CRYZ: variants seen among roughly 807,000 people sequenced by gnomAD.
CRYZ encodes zeta-crystallin.
CRYZ carries 35 observed loss-of-function variants against 34.1 expected under a neutral mutation model. The ratio of observed to expected loss-of-function variants is 1.03; its 90% CI spans 0.78 to 1.36. The LOEUF is 1.36. CRYZ is among the 40% of genes most tolerant of loss of function. The probability of loss-of-function intolerance (pLI) is 0.00; values close to 1 mark genes in which losing one functional copy is unlikely to be tolerated. For missense variants in CRYZ, 403 were observed against 391.8 expected, an observed-to-expected ratio of 1.03 and a Z score of -0.24; for synonymous variants, 137 against 136.5, an observed-to-expected ratio of 1.00 and a Z score of -0.03.
At position 74,710,391 on chromosome 1, in the gene CRYZ, G is replaced by A. The variant is rs569835914; in HGVS notation, c.481-144C>T. Reference sequence around the variant, plus strand: ...TGTAAATGAAGAAATAAGAAAAACAGCTAACTTTAATTGAGCATTTAAAAT... The same window carrying A: ...TGTAAATGAAGAAATAAGAAAAACAACTAACTTTAATTGAGCATTTAAAAT... On this transcript the variant is annotated intron_variant, in intron 5 of 8. Coordinates refer to ENST00000340866, the MANE Select transcript of CRYZ (RefSeq NM_001889.4). 6.2e-6 allele frequency: 4 copies of A among 648,168 alleles called. No individual in the cohort carries two copies. The East Asian group carries it at 1.1e-4, about 18-fold the overall frequency. The allele number at this position is 648,168 out of a possible 1,614,324, so 40.2% of individuals were successfully genotyped here.
intron 4 of CRYZ, among the ~76,000 whole-genome samples, chr1:74,715,229 C>G (rs1647055880): frequency 6.6e-6 from 1 of 152,152 alleles, no homozygotes. Context: ...CCATGTCATC[C>G]CCCTGAAATG....
Position 74,707,106 on chromosome 1 carries a change from C to T in CRYZ, c.729G>A (p.Val243=), listed in dbSNP as rs143668308. The change falls in exon 7 of 9, where the codon GTG becomes GTA. Residue 243 remains valine, a synonymous_variant. Coordinates refer to ENST00000340866, the MANE Select transcript of CRYZ (RefSeq NM_001889.4). ...DLSLLSHGGR[V]IVVGSRGTIE... is the part of the protein sequence containing the mutation. ...AAAAAAGAAAAGGAATACTTACTAT[C>T]ACTCGTCCTCCATGTGACAGAAGAC... The T allele has an allele frequency of 2.6e-6, 4 of 1,566,256 alleles. No individual in the cohort carries two copies. The highest frequency in any genetic ancestry group is 1.9e-5 in the Admixed American group (1 of 52,342).
chr1:74,714,616 G>A lies in CRYZ; in HGVS notation c.443C>T (p.Ala148Val), dbSNP rs759903237. 3.1e-6 allele frequency: 5 copies of A among 1,613,456 alleles called. No individual in the cohort carries two copies. In the East Asian group the frequency reaches 8.9e-5, roughly 29 times the overall value. ...RALIHSACVKAGESVLVHGAS... is the reference protein window; with the variant it reads ...RALIHSACVKVGESVLVHGAS... ...CCCATGAACCAGAACACTCTCTCCA[G>A]CTTTCACACAGGCACTGCAAAGGAA... The change falls in exon 5 of 9, where the codon GCT (alanine) becomes GTT (valine). Residue 148 changes from alanine (A) to valine (V), a missense_variant. Transcript: ENST00000340866.
At chr1:74,732,634 GACAGGGAGTGCGGGGGGCGGA>G (rs1647885899) in intron 1 of CRYZ, 1 of 121,002 alleles carries the variant, frequency 8.3e-6, no homozygotes, top group African/African-American at 3.2e-5. Flanking sequence ...GGGGCTGGGG[GACAGGGAGTGCGGGGGGCGGA>G]GGCTGGGCAG....
At chr1:74,720,052 C>T (rs1317953582) in intron 3 of CRYZ, among the ~76,000 whole-genome samples, 2 of 151,988 alleles carry the variant, frequency 1.3e-5, no homozygotes, top group African/African-American at 2.4e-5. Flanking sequence ...TTAGAGCAAT[C>T]CCCACTACAC....
At chr1:74,706,604 GA>G (rs1646932823) in intron 8 of CRYZ, 147 bp from the exon 9 acceptor site, 1 of 764,764 alleles carries the variant, frequency 1.3e-6, no homozygotes, top group Non-Finnish European at 2.1e-6. Context: ...CAGAACTATA[GA>G]AAAAGTAGTT....
chr1:74,720,240 T>G (rs991092345), intron 3 of CRYZ, among the ~76,000 whole-genome samples: 40 of 150,758 alleles, frequency 2.7e-4, no homozygotes, highest in African/African-American at 9.7e-4. Context: ...ATGAGTTTCC[T>G]CACCCCTGCA....
Position 74,706,291 on chromosome 1 carries a change from A to C in CRYZ, c.*5T>G, listed in dbSNP as rs1569961079. On this transcript the variant is annotated 3_prime_UTR_variant, in exon 9 of 9. Transcript: ENST00000340866. ...TACATAGGAAATCCATGAAAGAATT[A>C]ATCATCATAAGAGAAGAATCATTTT... 4 of 1,594,848 alleles carry C rather than the reference A, an allele frequency of 2.5e-6. No homozygotes were observed. In the African/African-American group the frequency reaches 5.4e-5, roughly 22 times the overall value.
chr1:74,731,351 G>C (rs1647721411), intron 1 of CRYZ, among the ~76,000 whole-genome samples: 1 of 152,088 alleles, frequency 6.6e-6, no homozygotes. Context: ...TATGAGACAA[G>C]AGCAAAAGTA....
chr1:74,722,808 A>C lies in CRYZ; in HGVS notation c.264+310T>G, dbSNP rs185498857. Among the ~76,000 whole-genome samples the C allele has an allele frequency of 2.2e-3, 338 of 152,296 alleles. No individual in the cohort carries two copies. The Middle Eastern group carries it at 0.027, about 12-fold the overall frequency. The stretch of plus-strand genomic sequence containing the variant: ...TATGTATCATCAAGAGTTAGGAAAT[A>C]GTCTAACTTCCTTGTGTGTTTTCTT... On this transcript the variant is annotated intron_variant, in intron 3 of 8. Coordinates refer to ENST00000340866, the MANE Select transcript of CRYZ (RefSeq NM_001889.4).
intron 2 of CRYZ, 142 bp from the exon 3 acceptor site, chr1:74,723,412 T>C: frequency 1.4e-6 from 1 of 711,346 alleles, no homozygotes; most frequent in Non-Finnish European, 2.3e-6. Flanking sequence ...CAAGCTCACA[T>C]TCCAAGTTTT....
Position 74,733,012 on chromosome 1 carries a change from G to A in CRYZ, c.-70C>T, listed in dbSNP as rs952177026. ...GGGCTTCTTCAGATTCCACAGAAAT[G>A]AGGACTGCCACACCTTCTCCAACTT... is the stretch of plus-strand genomic sequence containing the variant. On this transcript the variant is annotated 5_prime_UTR_variant, in exon 1 of 9. Coordinates refer to ENST00000340866, the MANE Select transcript of CRYZ (RefSeq NM_001889.4). 3 of 554,832 alleles carry A rather than the reference G, an allele frequency of 5.4e-6. No individual in the cohort carries two copies. In the Admixed American group the frequency reaches 1.0e-4, roughly 19 times the overall value. The allele number at this position is 554,832 out of a possible 1,614,324, so 34.4% of individuals were successfully genotyped here.
At chr1:74,718,513 C>G (rs896648029) in intron 4 of CRYZ, among the ~76,000 whole-genome samples, 1 of 152,170 alleles carries the variant, frequency 6.6e-6, no homozygotes, top group African/African-American at 2.4e-5. Flanking sequence ...AGAGATTACT[C>G]TGTTCCAACT....
intron 3 of CRYZ, 53 bp from the exon 4 acceptor site, chr1:74,719,425 A>T (rs1647124962): frequency 6.7e-7 from 1 of 1,496,328 alleles, no homozygotes; most frequent in Non-Finnish European, 9.2e-7. Flanking sequence ...TATTATGTCA[A>T]AATAGGTATA....
Position 74,729,211 on chromosome 1 carries a change from T to C in CRYZ, c.-14+3745A>G, listed in dbSNP as rs1316541595. On this transcript the variant is annotated intron_variant, in intron 1 of 8. Coordinates refer to ENST00000340866, the MANE Select transcript of CRYZ (RefSeq NM_001889.4). The stretch of plus-strand genomic sequence containing the variant: ...CAGCTCGAGGTGTGAGTCCCAGCTC[T>C]ATCATGTGGGAGCCACATGGCCTTG... Among the ~76,000 whole-genome samples the C allele has an allele frequency of 1.5e-4, 22 of 151,666 alleles. No homozygotes were observed. In the East Asian group the frequency reaches 4.3e-3, roughly 30 times the overall value.
intron 1 of CRYZ, among the ~76,000 whole-genome samples, chr1:74,732,150 G>A (rs1294279133): frequency 6.7e-6 from 1 of 149,450 alleles, no homozygotes; most frequent in Non-Finnish European, 1.5e-5. Context: ...CCTACAGCTG[G>A]GCTGTGGGAA....
chr1:74,721,334 A>T (rs1057000619), intron 3 of CRYZ, among the ~76,000 whole-genome samples: 1 of 152,198 alleles, frequency 6.6e-6, no homozygotes, highest in African/African-American at 2.4e-5. Flanking sequence ...AAGGACAAAC[A>T]CTTCATTACT....
chr1:74,706,059 C>G lies in CRYZ; in HGVS notation c.*237G>C. ...AATGCACACTCATGCCAAATGACAA[C>G]TAACATGTTATTTCCTACTATGATG... On this transcript the variant is annotated 3_prime_UTR_variant, in exon 9 of 9. Transcript: ENST00000340866. The G allele has an allele frequency of 2.7e-6, 1 of 373,680 alleles. No individual in the cohort carries two copies. 23.1% of individuals were successfully genotyped at this position (373,680 alleles called of 1,614,324 possible).
intron 5 of CRYZ, among the ~76,000 whole-genome samples, chr1:74,711,880 T>C (rs1217929837): frequency 5.3e-5 from 8 of 152,110 alleles, no homozygotes; most frequent in African/African-American, 1.9e-4. Context: ...ACTGGAGATA[T>C]ATATTAGAGA....
Sources: gnomAD v4.1 joint callset for allele counts (sites outside exome capture counted in the v4.1 genomes callset) on GRCh38, gnomAD v4.1.1 for gene constraint, MANE v1.5 for transcripts, NCBI Gene and HGNC (gene_info 2026-07-23, HGNC 2026-07-21) for gene names.